The following CFAP299 variants were observed in gnomAD, a reference collection of about 807,000 sequenced individuals.
CFAP299 encodes the protein cilia- and flagella-associated protein 299.
Under a neutral mutation model 27.0 loss-of-function variants are expected in CFAP299, and 21 were observed. The ratio of observed to expected loss-of-function variants is 0.78; its 90% CI spans 0.55 to 1.12. The LOEUF is 1.12. Among genes scored for constraint, CFAP299 ranks in the 50% most tolerant of loss-of-function variants. The pLI is 0.00. For missense variants in CFAP299, 310 were observed against 276.6 expected (o/e 1.12, Z -0.86); for synonymous variants, 104 against 98.1 (o/e 1.06, Z -0.36).
intron 2 of CFAP299, among the ~76,000 whole-genome samples, chr4:80,566,002 G>A (rs1456286241): frequency 6.6e-6 from 1 of 151,916 alleles, no homozygotes; most frequent in Non-Finnish European, 1.5e-5. Context: ...ATCTACCATG[G>A]GCTGCTTTCC....
At chr4:80,563,904 G>T (rs992262995) in intron 2 of CFAP299, among the ~76,000 whole-genome samples, 5 of 151,924 alleles carry the variant, frequency 3.3e-5, no homozygotes, top group African/African-American at 9.7e-5. Flanking sequence ...ATCATTAGTG[G>T]CTACCATGAG....
chr4:80,784,605 C>A (rs1727135779), intron 3 of CFAP299, among the ~76,000 whole-genome samples: 1 of 152,084 alleles, frequency 6.6e-6, no homozygotes, highest in Non-Finnish European at 1.5e-5. Flanking sequence ...GCAACCTTGG[C>A]CTCCCAGGAT....
intron 3 of CFAP299, among the ~76,000 whole-genome samples, chr4:80,844,846 T>A (rs529216309): frequency 6.6e-6 from 1 of 152,370 alleles, no homozygotes; most frequent in Non-Finnish European, 1.5e-5. Flanking sequence ...ATGTCCTGAA[T>A]GGTTTTGCCT....
chr4:80,716,538 G>A (rs1308979896), intron 3 of CFAP299, among the ~76,000 whole-genome samples: 1 of 151,936 alleles, frequency 6.6e-6, no homozygotes, highest in African/African-American at 2.4e-5. Flanking sequence ...CACTCCCAAT[G>A]TGCAAGCTTA....
chr4:80,792,874 G>T (rs570743305), intron 3 of CFAP299, among the ~76,000 whole-genome samples: 50 of 151,864 alleles, frequency 3.3e-4, no homozygotes, highest in Admixed American at 1.3e-4. Flanking sequence ...CTTTTAGCTT[G>T]GTCTTTCCAT....
intron 4 of CFAP299, among the ~76,000 whole-genome samples, chr4:80,888,222 G>A (rs999903959): frequency 2.0e-5 from 3 of 151,934 alleles, no homozygotes; most frequent in Non-Finnish European, 2.9e-5. Context: ...AAGGGTCAAC[G>A]ATCCGCTGCC....
At chr4:80,845,269 G>A (rs1731113147) in intron 3 of CFAP299, among the ~76,000 whole-genome samples, 1 of 141,600 alleles carries the variant, frequency 7.1e-6, no homozygotes, top group African/African-American at 2.8e-5. Flanking sequence ...ATCTGCTCAA[G>A]TCCCACACTG....
At chr4:80,342,033 A>G (rs1388492110) in intron 1 of CFAP299, among the ~76,000 whole-genome samples, 1 of 152,246 alleles carries the variant, frequency 6.6e-6, no homozygotes, top group Non-Finnish European at 1.5e-5. Flanking sequence ...CACAAGTATC[A>G]ATAGCAGAAT....
At chr4:80,621,208 A>T (rs540681555) in intron 3 of CFAP299, among the ~76,000 whole-genome samples, 44 of 152,206 alleles carry the variant, frequency 2.9e-4, no homozygotes, top group Middle Eastern at 6.8e-3. Flanking sequence ...AGATGATTTG[A>T]ATGTTGGCAC....
intron 3 of CFAP299, among the ~76,000 whole-genome samples, chr4:80,598,226 AT>A (rs766340381): frequency 6.2e-4 from 95 of 152,224 alleles, no homozygotes; most frequent in Non-Finnish European, 1.1e-3. Context: ...ACTCCAACGT[AT>A]CATCCCCAAA....
chr4:80,498,483 A>G (rs1363315404), intron 2 of CFAP299, among the ~76,000 whole-genome samples: 1 of 152,170 alleles, frequency 6.6e-6, no homozygotes, highest in Non-Finnish European at 1.5e-5. Context: ...CCTAACAAGC[A>G]TATGAAAAAA....
chr4:80,445,473 G>A lies in CFAP299; in HGVS notation c.242+82589G>A, dbSNP rs369193150. ...CTCACTTATAAGTGGGAGTTGAACAGTGAGAACACATGGACACAGGGAGGG... is the reference window on the plus strand; with the variant it reads ...CTCACTTATAAGTGGGAGTTGAACAATGAGAACACATGGACACAGGGAGGG... On this transcript the variant is annotated intron_variant, in intron 2 of 5. Transcript: ENST00000358105. Among the ~76,000 whole-genome samples the A allele has an allele frequency of 2.6e-5, 4 of 152,234 alleles. No homozygotes were observed. The East Asian group carries it at 7.7e-4, about 29-fold the overall frequency.
intron 4 of CFAP299, among the ~76,000 whole-genome samples, chr4:80,884,540 C>T (rs1044398683): frequency 1.3e-5 from 2 of 151,368 alleles, no homozygotes; most frequent in African/African-American, 4.9e-5. Flanking sequence ...CAATAAACAC[C>T]TACATTCAGA....
At chr4:80,742,096 A>C (rs748865912) in intron 3 of CFAP299, among the ~76,000 whole-genome samples, 3 of 152,152 alleles carry the variant, frequency 2.0e-5, no homozygotes, top group Non-Finnish European at 4.4e-5. Flanking sequence ...TCAAGGATTC[A>C]AGACTCTCTC....
chr4:80,744,486 T>G, intron 3 of CFAP299, among the ~76,000 whole-genome samples: 1 of 152,204 alleles, frequency 6.6e-6, no homozygotes, highest in East Asian at 1.9e-4. Context: ...ATGTACATTT[T>G]TTATTAATGT....
intron 4 of CFAP299, among the ~76,000 whole-genome samples, chr4:80,888,927 A>G (rs1734103990): frequency 6.6e-6 from 1 of 151,188 alleles, no homozygotes; most frequent in Admixed American, 6.6e-5. Context: ...GAAACAAATA[A>G]TAATGGAAAC....
At chr4:80,888,744 CA>C (rs1358199526) in intron 4 of CFAP299, among the ~76,000 whole-genome samples, 2 of 151,504 alleles carry the variant, frequency 1.3e-5, no homozygotes, top group African/African-American at 4.8e-5. Flanking sequence ...TTTAAATTTT[CA>C]AAAAAATTGA....
the CFAP299 span, among the ~76,000 whole-genome samples, chr4:80,329,290 A>G: frequency 6.7e-6 from 1 of 150,172 alleles, no homozygotes. Context: ...TATATCTCCA[A>G]TTTACTTAGT....
chr4:80,733,329 T>A (rs1723647019), intron 3 of CFAP299, among the ~76,000 whole-genome samples: 1 of 152,082 alleles, frequency 6.6e-6, no homozygotes, highest in Non-Finnish European at 1.5e-5. Context: ...TTTTTTATTT[T>A]TGTGCATTAA....
Sources: gnomAD v4.1 joint callset for allele counts (sites outside exome capture counted in the v4.1 genomes callset) on GRCh38, gnomAD v4.1.1 for gene constraint, MANE v1.5 for transcripts, NCBI Gene and HGNC (gene_info 2026-07-23, HGNC 2026-07-21) for gene names.